The following MOV10 variants were observed in gnomAD, a reference collection of about 807,000 sequenced individuals.
MOV10 encodes RNA helicase MOV-10.
Under a neutral mutation model 108.4 loss-of-function variants are expected in MOV10, and 39 were observed. That is an observed-to-expected ratio of 0.36 (90% CI 0.28 to 0.47). MOV10 has a LOEUF of 0.47. Ranked by LOEUF, MOV10 falls within the 20% of genes least tolerant of loss-of-function variation. The pLI is 1.00. For missense variants in MOV10, 952 were observed against 1,297.6 expected (o/e 0.73, Z 4.09); for synonymous variants, 490 against 523.1 (o/e 0.94, Z 0.86).
intron 14 of MOV10, 122 bp from the exon 15 acceptor site, chr1:112,697,872 T>C: frequency 1.3e-6 from 1 of 766,162 alleles, no homozygotes; most frequent in Non-Finnish European, 2.3e-6. Flanking sequence ...AGTGTCCTGC[T>C]ATCCAGGGAG....
In MOV10 at chr1:112,700,484, C is replaced by G. The variant is rs1450636262; in HGVS notation, c.2989C>G (p.Pro997Ala). ...GEGGLSLQVE[P>A]EWRNEL ...AGGGGGCCTGTCTCTGCAAGTGGAG[C>G]CAGAGTGGAGGAATGAGCTCTGAAG... The change falls in exon 21 of 21, where the codon CCA becomes GCA. Residue 997 changes from proline to alanine, a missense_variant. Pro to Ala is a conservative substitution (Grantham distance 27, BLOSUM62 -1). Coordinates refer to ENST00000369645, the MANE Select transcript of MOV10 (RefSeq NM_001321324.2). The G allele has an allele frequency of 4.3e-6, 7 of 1,613,744 alleles. No homozygotes were observed. In the African/African-American group the frequency reaches 8.0e-5, roughly 18 times the overall value.
rs761022752 is a variant in MOV10 at position 112,696,634 on chromosome 1, G to A, written c.1986G>A (p.Leu662=). The A allele has an allele frequency of 1.1e-5, 18 of 1,612,832 alleles. No homozygotes were observed. In the East Asian group the frequency reaches 3.8e-4, roughly 34 times the overall value. The change falls in exon 14 of 21, where the codon CTG becomes CTA. Residue 662 remains leucine (L), a synonymous_variant. Coordinates refer to ENST00000369645, the MANE Select transcript of MOV10 (RefSeq NM_001321324.2). Reference sequence around the variant, plus strand: ...CACACCTCTTCTGCTTCCCAGGGCTGATGGAAGTAAAGGAAACAGGTGATC... The same window carrying A: ...CACACCTCTTCTGCTTCCCAGGGCTAATGGAAGTAAAGGAAACAGGTGATC... ...EPESLVAIAG[L]MEVKETGDPG... is the part of the protein sequence containing the mutation.
intron 14 of MOV10, 68 bp downstream of exon 14, chr1:112,696,914 G>A: frequency 1.5e-6 from 2 of 1,309,306 alleles, no homozygotes; most frequent in Non-Finnish European, 2.1e-6. Flanking sequence ...GACCCCACTG[G>A]AGAGTCTGGC....
At chr1:112,698,633 C>G in intron 16 of MOV10, 82 bp from the exon 17 acceptor site, 3 of 1,511,238 alleles carry the variant, frequency 2.0e-6, no homozygotes, top group Non-Finnish European at 2.8e-6. Context: ...CCCTTTGTTC[C>G]CCAGCTCCCT....
At chr1:112,700,087 T>C (rs1674510076) in intron 19 of MOV10, 105 bp downstream of exon 19, 29 of 1,583,650 alleles carry the variant, frequency 1.8e-5, no homozygotes, top group Non-Finnish European at 2.4e-5. Context: ...TCCTCAGATG[T>C]GTCCATTTTC....
chr1:112,697,780 T>A (rs925031488), intron 14 of MOV10: 1 of 582,538 alleles, frequency 1.7e-6, no homozygotes, highest in Admixed American at 2.7e-5. Flanking sequence ...GTCTGTGGAG[T>A]CCCTGGACTA....
At chr1:112,698,216 GA>G in intron 15 of MOV10, 70 bp from the exon 16 acceptor site, 3 of 1,601,442 alleles carry the variant, frequency 1.9e-6, no homozygotes, top group Non-Finnish European at 2.6e-6. Flanking sequence ...TTACTCTCTG[GA>G]AGGGTTTGGG....
intron 2 of MOV10, among the ~76,000 whole-genome samples, chr1:112,678,575 G>T (rs1382121185): frequency 6.6e-6 from 1 of 152,002 alleles, no homozygotes; most frequent in Non-Finnish European, 1.5e-5. Context: ...AGAAACTTAG[G>T]CAGAGGTTTC....
Position 112,700,596 on chromosome 1 carries a change from G to A in MOV10, c.*89G>A, listed in dbSNP as rs1190008964. The A allele has an allele frequency of 6.4e-7, 1 of 1,567,000 alleles. No homozygotes were observed. The highest frequency in any genetic ancestry group is 2.4e-5 in the East Asian group (1 of 41,830). On this transcript the variant is annotated 3_prime_UTR_variant, in exon 21 of 21. Coordinates refer to ENST00000369645, the MANE Select transcript of MOV10 (RefSeq NM_001321324.2). ...AACCCAGCTGAACTGCCCCTCCAAGGGACAGGAAGGCTGGGGGAGGGAGTT... is the reference window on the plus strand; with the variant it reads ...AACCCAGCTGAACTGCCCCTCCAAGAGACAGGAAGGCTGGGGGAGGGAGTT...
rs932816217 is a variant in MOV10, at chr1:112,694,949, G to T, written c.1620+53G>T. On this transcript the variant is annotated intron_variant, in intron 10 of 20. Coordinates refer to ENST00000369645, the MANE Select transcript of MOV10 (RefSeq NM_001321324.2). The surrounding 1 kb of genome is among the most constrained non-coding windows in gnomAD (Gnocchi z 4.1). The stretch of plus-strand genomic sequence containing the variant: ...TGCACTCTGATTCCCCCAGCACCAA[G>T]CAGTTGTCCCCAGATTCTAGTTCCT... The T allele has an allele frequency of 1.3e-6, 2 of 1,558,278 alleles. No individual in the cohort carries two copies. The highest frequency in any genetic ancestry group is 1.4e-5 in the African/African-American group (1 of 73,102).
rs1269064221 is a variant in MOV10, at chr1:112,692,941, G to A, written c.1140+12G>A. 9 of 1,600,298 alleles carry A rather than the reference G, an allele frequency of 5.6e-6. No homozygotes were observed. In the Admixed American group the frequency reaches 1.2e-4, roughly 21 times the overall value. On this transcript the variant is annotated intron_variant, in intron 7 of 20. Transcript: ENST00000369645. ...TGCTCACGCTGGAGGTCAGGGCTCA[G>A]ATTGAGTGTGAGGAGGGTGGGCTCA...
chr1:112,681,182 A>T (rs1010567489), intron 2 of MOV10, among the ~76,000 whole-genome samples: 12 of 151,696 alleles, frequency 7.9e-5, no homozygotes, highest in Admixed American at 5.3e-4. Context: ...TTTTTTAGTC[A>T]TTGTTTTATT....
intron 2 of MOV10, chr1:112,688,430 G>T (rs1673265165): frequency 7.0e-6 from 7 of 997,672 alleles, no homozygotes; most frequent in Middle Eastern, 5.2e-4. Flanking sequence ...TGTCTGATCA[G>T]CCACCTTGCC....
At chr1:112,691,590 A>G in intron 5 of MOV10, 75 bp from the exon 6 acceptor site, 1 of 1,547,720 alleles carries the variant, frequency 6.5e-7, no homozygotes, top group Non-Finnish European at 8.8e-7. Context: ...GGCTTTGTGC[A>G]TCCACCCCAG....
intron 16 of MOV10, 25 bp downstream of exon 16, chr1:112,698,503 G>T: frequency 1.9e-6 from 3 of 1,608,164 alleles, no homozygotes; most frequent in Non-Finnish European, 2.5e-6. Flanking sequence ...TACCAGCAAG[G>T]GTGGGGCCCC....
chr1:112,696,175 G>A lies in MOV10; in HGVS notation c.1807G>A (p.Gly603Arg). Reference protein sequence around the residue: ...KPCCNWDAKKGEYVFPAKKKL... With the variant: ...KPCCNWDAKKREYVFPAKKKL... ...CTGCTGCAACTGGGACGCAAAGAAG[G>A]GGGAGTATGTATTTCCCGCCAAGAA... is the stretch of plus-strand genomic sequence containing the variant. Residue 603 changes from glycine to arginine, a missense_variant, in exon 12 of 21, where the codon GGG becomes AGG. By Grantham distance (125) the Gly-to-Arg change is moderately radical. Coordinates refer to ENST00000369645, the MANE Select transcript of MOV10 (RefSeq NM_001321324.2). 6.2e-7 allele frequency: 1 copy of A among 1,613,856 alleles called. No individual in the cohort carries two copies. The highest frequency in any genetic ancestry group is 8.5e-7 in the Non-Finnish European group (1 of 1,179,904).
At chr1:112,681,130 C>A (rs1375525766) in intron 2 of MOV10, among the ~76,000 whole-genome samples, 1 of 152,078 alleles carries the variant, frequency 6.6e-6, no homozygotes, top group Non-Finnish European at 1.5e-5. Flanking sequence ...TTTCCACATT[C>A]CGCCCTGTAC....
chr1:112,695,689 G>T, intron 11 of MOV10, 115 bp downstream of exon 11: 1 of 1,173,980 alleles, frequency 8.5e-7, no homozygotes, highest in South Asian at 1.6e-5. Context: ...ATGTGACCTT[G>T]GGTTGGACAG....
In MOV10 at chr1:112,688,976, G is replaced by T; in HGVS notation, c.179G>T (p.Gly60Val). ...CCTGGCTTCTCCTCCATGCTGTATG[G>T]AATGAAGATTGCAAATCTGGCCTAC... ...PAPGFSSMLYGMKIANLAYVT... is the reference protein window; with the variant it reads ...PAPGFSSMLYVMKIANLAYVT... The change falls in exon 3 of 21, where the codon GGA (glycine) becomes GTA (valine). Residue 60 changes from glycine (G) to valine (V), a missense_variant. Transcript: ENST00000369645. 6.2e-7 allele frequency: 1 copy of T among 1,612,500 alleles called. No individual in the cohort carries two copies. Among genetic ancestry groups the T allele is most frequent in the Non-Finnish European group, 8.5e-7 (1 of 1,180,038 alleles).
Sources: allele counts gnomAD v4.1 joint callset (sites outside exome capture counted in the v4.1 genomes callset), GRCh38; gene constraint gnomAD v4.1.1; non-coding constraint Gnocchi (gnomAD v3.1); transcripts MANE v1.5; gene names NCBI Gene and HGNC (gene_info 2026-07-23, HGNC 2026-07-21).